PTPRD: variants seen among roughly 807,000 people sequenced by gnomAD.
PTPRD encodes receptor-type tyrosine-protein phosphatase delta.
Under a neutral mutation model 214.5 loss-of-function variants are expected in PTPRD, and 34 were observed. That is an observed-to-expected ratio of 0.16 (90% CI 0.12 to 0.21). PTPRD has a LOEUF of 0.21. Ranked by LOEUF, PTPRD falls within the 10% of genes least tolerant of loss-of-function variation. The probability of loss-of-function intolerance (pLI) is 1.00; values close to 1 mark genes in which losing one functional copy is unlikely to be tolerated. For synonymous variants in PTPRD, 1,128 were observed against 845.7 expected, an observed-to-expected ratio of 1.33 and a Z score of -5.79; for missense variants, 2,545 against 2,398.7, an observed-to-expected ratio of 1.06 and a Z score of -1.27.
intron 33 of PTPRD, among the ~76,000 whole-genome samples, chr9:8,457,288 G>A (rs868523820): frequency 3.9e-5 from 6 of 152,060 alleles, no homozygotes; most frequent in South Asian, 2.1e-4. Context: ...TTGGCCGAAC[G>A]TTGCTACTAT....
intron 11 of PTPRD, among the ~76,000 whole-genome samples, chr9:8,883,699 T>A (rs1328867488): frequency 2.0e-5 from 3 of 152,136 alleles, no homozygotes; most frequent in Admixed American, 2.0e-4. Flanking sequence ...AGAGACCCCG[T>A]TGAGGACTTT....
At chr9:9,644,266 G>C (rs537063660) in intron 7 of PTPRD, among the ~76,000 whole-genome samples, 1 of 152,224 alleles carries the variant, frequency 6.6e-6, no homozygotes, top group African/African-American at 2.4e-5. Context: ...CAAGTGGTGA[G>C]GGCAGGCTGG....
chr9:9,631,105 C>A (rs1203891255), intron 7 of PTPRD, among the ~76,000 whole-genome samples: 1 of 151,632 alleles, frequency 6.6e-6, no homozygotes, highest in Non-Finnish European at 1.5e-5. Context: ...ATCACATAGA[C>A]AAGGATTTAA....
chr9:10,088,214 C>T (rs2098380844), intron 3 of PTPRD, among the ~76,000 whole-genome samples: 2 of 151,876 alleles, frequency 1.3e-5, no homozygotes, highest in African/African-American at 2.4e-5. Flanking sequence ...TGACAATCCA[C>T]AAAATGAACT....
intron 8 of PTPRD, among the ~76,000 whole-genome samples, chr9:9,417,753 C>T (rs1569568137): frequency 6.6e-6 from 1 of 152,004 alleles, no homozygotes; most frequent in Admixed American, 6.6e-5. Context: ...CTTCAAAACT[C>T]AAGTTTTGTC....
In PTPRD at chr9:10,387,504, G is replaced by A. The variant is rs982287758; in HGVS notation, c.-599-46487C>T. Among the ~76,000 whole-genome samples, 10 of 151,944 alleles carry A rather than the reference G, an allele frequency of 6.6e-5. No individual in the cohort carries two copies. In the South Asian group the frequency reaches 1.9e-3, roughly 28 times the overall value. The stretch of plus-strand genomic sequence containing the variant: ...ATGGGGCTGGCTGAACACAGTAAGA[G>A]TAGGTGTTCTGGCAATGGACCTGGC... On this transcript the variant is annotated intron_variant, in intron 2 of 45. Coordinates refer to ENST00000381196, the MANE Select transcript of PTPRD (RefSeq NM_002839.4).
intron 2 of PTPRD, among the ~76,000 whole-genome samples, chr9:10,383,163 T>C (rs2097853382): frequency 6.6e-6 from 1 of 151,906 alleles, no homozygotes; most frequent in African/African-American, 2.4e-5. Flanking sequence ...AACCATGAAC[T>C]TACAGGTATT....
intron 11 of PTPRD, among the ~76,000 whole-genome samples, chr9:8,939,575 T>TAA (rs950857840): frequency 1.6e-4 from 3 of 18,790 alleles, no homozygotes; most frequent in African/African-American, 2.0e-4. Flanking sequence ...GATATATACA[T>TAA]AACACACACA....
At chr9:10,371,175 T>A (rs530514803) in intron 2 of PTPRD, among the ~76,000 whole-genome samples, 13 of 151,936 alleles carry the variant, frequency 8.6e-5, no homozygotes, top group African/African-American at 1.2e-4. Context: ...TTGTAAAATT[T>A]TGAATGTTAG....
chr9:9,731,058 A>C (rs975251081), intron 7 of PTPRD, among the ~76,000 whole-genome samples: 1 of 152,130 alleles, frequency 6.6e-6, no homozygotes, highest in African/African-American at 2.4e-5. Context: ...TAAACACATT[A>C]CCTTATTTAA....
At chr9:8,638,030 C>T (rs1269283046) in intron 12 of PTPRD, among the ~76,000 whole-genome samples, 1 of 151,532 alleles carries the variant, frequency 6.6e-6, no homozygotes, top group Non-Finnish European at 1.5e-5. Context: ...CCATCTTTTA[C>T]ACTTCCTTGA....
intron 11 of PTPRD, among the ~76,000 whole-genome samples, chr9:8,751,604 G>A (rs2093539159): frequency 6.6e-6 from 1 of 152,092 alleles, no homozygotes; most frequent in South Asian, 2.1e-4. Context: ...AGAAGCCAAG[G>A]CCTGCTGTGA....
At chr9:10,029,260 G>A (rs147697042) in intron 4 of PTPRD, among the ~76,000 whole-genome samples, 1 of 152,210 alleles carries the variant, frequency 6.6e-6, no homozygotes, top group Non-Finnish European at 1.5e-5. Context: ...AGGGCAGTGT[G>A]GAAGGGAAAT....
chr9:10,273,458 A>G (rs545422334), intron 3 of PTPRD, among the ~76,000 whole-genome samples: 4 of 152,272 alleles, frequency 2.6e-5, no homozygotes, highest in East Asian at 1.9e-4. Flanking sequence ...AGAGTTAGAT[A>G]AAAATTTAAA....
At chr9:8,937,898 A>T (rs951968194) in intron 11 of PTPRD, among the ~76,000 whole-genome samples, 3 of 152,180 alleles carry the variant, frequency 2.0e-5, no homozygotes, top group Non-Finnish European at 4.4e-5. Flanking sequence ...TTCACTGAAA[A>T]TTAGGTCAAT....
chr9:9,678,873 G>A (rs1051055532), intron 7 of PTPRD, among the ~76,000 whole-genome samples: 1 of 151,700 alleles, frequency 6.6e-6, no homozygotes, highest in Admixed American at 6.6e-5. Flanking sequence ...ACAGGCAAAG[G>A]GAAGACAGGA....
intron 3 of PTPRD, among the ~76,000 whole-genome samples, chr9:10,335,847 T>A (rs1388671758): frequency 6.6e-6 from 1 of 151,748 alleles, no homozygotes; most frequent in Non-Finnish European, 1.5e-5. Context: ...GAAAAGATGC[T>A]CACCATGTCA....
chr9:8,541,860 T>G (rs1376222285), intron 14 of PTPRD, among the ~76,000 whole-genome samples: 1 of 152,238 alleles, frequency 6.6e-6, no homozygotes, highest in South Asian at 2.1e-4. Context: ...GGATAGAAAT[T>G]TATTCACTAT....
intron 6 of PTPRD, among the ~76,000 whole-genome samples, chr9:9,750,576 T>C (rs970360518): frequency 6.6e-6 from 1 of 152,106 alleles, no homozygotes; most frequent in Admixed American, 6.6e-5. Flanking sequence ...CAGATTCACA[T>C]TAAATTGTAA....
Sources: gnomAD v4.1 joint callset for allele counts (sites outside exome capture counted in the v4.1 genomes callset) on GRCh38, gnomAD v4.1.1 for gene constraint, MANE v1.5 for transcripts, NCBI Gene and HGNC (gene_info 2026-07-23, HGNC 2026-07-21) for gene names.